STK3: variants seen among roughly 807,000 people sequenced by gnomAD.
The protein encoded by STK3 is serine/threonine kinase 3, also known as serine/threonine-protein kinase 3.
A neutral mutation model predicts 58.0 loss-of-function variants in STK3; 41 were observed. That is an observed-to-expected ratio of 0.71 (90% CI 0.55 to 0.92). The LOEUF is 0.92. Ranked by LOEUF, STK3 falls within the 40% of genes least tolerant of loss-of-function variation. The probability of loss-of-function intolerance (pLI) is 0.00; values close to 1 mark genes in which losing one functional copy is unlikely to be tolerated. For synonymous variants in STK3, 170 were observed against 191.0 expected, an observed-to-expected ratio of 0.89 and a Z score of 0.91; for missense variants, 479 against 602.7, an observed-to-expected ratio of 0.79 and a Z score of 2.15.
the STK3 span, among the ~76,000 whole-genome samples, chr8:98,346,890 A>G: frequency 6.6e-6 from 1 of 151,886 alleles, no homozygotes; most frequent in Non-Finnish European, 1.5e-5. Context: ...TGGTAGCTAC[A>G]TATATATGTG....
chr8:98,672,260 GGGGGGTTA>G (rs967911798), intron 6 of STK3, among the ~76,000 whole-genome samples: 3 of 151,838 alleles, frequency 2.0e-5, no homozygotes, highest in Non-Finnish European at 4.4e-5. Flanking sequence ...CGGTGGGTGT[GGGGGGTTA>G]GGGGGTTAGG....
chr8:98,371,545 G>A (rs1252984125), exon 3 of STK3: 1 of 152,248 alleles, frequency 6.6e-6, no homozygotes, highest in East Asian at 1.9e-4. Context: ...GTACATCAGA[G>A]GGGAGCCAGC....
chr8:98,469,258 CGG>C (rs1446206925), intron 10 of STK3, among the ~76,000 whole-genome samples: 2 of 56,676 alleles, frequency 3.5e-5, no homozygotes, highest in Non-Finnish European at 7.8e-5. Flanking sequence ...TTTGCGGGGG[CGG>C]GGGGGCGGTC....
At chr8:98,938,654 T>C (rs779830822) in intron 1 of STK3, among the ~76,000 whole-genome samples, 30 of 152,144 alleles carry the variant, frequency 2.0e-4, no homozygotes, top group Non-Finnish European at 3.2e-4. Flanking sequence ...CTCAGGGTAA[T>C]CCAGGGGCAC....
intron 3 of STK3, among the ~76,000 whole-genome samples, chr8:98,403,089 G>A (rs1356743629): frequency 2.6e-5 from 4 of 152,222 alleles, no homozygotes; most frequent in African/African-American, 9.6e-5. Context: ...GGAGGCCAAG[G>A]GCAGTGGACT....
chr8:98,550,979 A>G (rs1458937952), intron 8 of STK3, among the ~76,000 whole-genome samples: 1 of 152,136 alleles, frequency 6.6e-6, no homozygotes, highest in Non-Finnish European at 1.5e-5. Flanking sequence ...CCTAAATTTC[A>G]ATGTCTTCTA....
At chr8:98,627,194 C>T (rs1217564274) in intron 6 of STK3, among the ~76,000 whole-genome samples, 2 of 152,072 alleles carry the variant, frequency 1.3e-5, no homozygotes, top group African/African-American at 2.4e-5. Context: ...GCCTGGCCAA[C>T]ATGGTAAAAC....
chr8:98,358,034 A>G, the STK3 span, among the ~76,000 whole-genome samples: 2 of 152,118 alleles, frequency 1.3e-5, no homozygotes, highest in African/African-American at 4.8e-5. Context: ...CAGAACATCA[A>G]CAAGCGAGGG....
At chr8:98,900,972 T>C (rs879730813) in intron 1 of STK3, among the ~76,000 whole-genome samples, 16 of 152,222 alleles carry the variant, frequency 1.1e-4, no homozygotes, top group South Asian at 4.1e-4. Context: ...TATAGTTTTA[T>C]ATTATATTTT....
chr8:98,378,321 C>T (rs1817696176), intron 2 of STK3, among the ~76,000 whole-genome samples: 1 of 152,162 alleles, frequency 6.6e-6, no homozygotes, highest in African/African-American at 2.4e-5. Context: ...GTTACTTTGT[C>T]ACCTTTTTAA....
intron 7 of STK3, among the ~76,000 whole-genome samples, chr8:98,589,689 C>T (rs539583624): frequency 8.5e-5 from 13 of 152,366 alleles, no homozygotes; most frequent in African/African-American, 2.6e-4. Context: ...GGGCGCCCCT[C>T]CCCCAGCCTA....
chr8:98,488,574 C>T (rs1822450545), intron 10 of STK3, among the ~76,000 whole-genome samples: 1 of 152,144 alleles, frequency 6.6e-6, no homozygotes, highest in South Asian at 2.1e-4. Context: ...ACCTCGTCTG[C>T]TAGGCACTGC....
At chr8:98,420,648 T>C (rs1486965571) in intron 3 of STK3, among the ~76,000 whole-genome samples, 1 of 152,018 alleles carries the variant, frequency 6.6e-6, no homozygotes, top group Admixed American at 6.5e-5. Flanking sequence ...CTTGAGACAG[T>C]TAAGAGGGCA....
chr8:98,520,602 G>C (rs976164331), intron 10 of STK3, among the ~76,000 whole-genome samples: 1 of 151,374 alleles, frequency 6.6e-6, no homozygotes, highest in African/African-American at 2.4e-5. Flanking sequence ...AGCCTTCTCT[G>C]TCCTGAAAAT....
chr8:98,633,982 G>A (rs1368030264), intron 6 of STK3: 3 of 176,330 alleles, frequency 1.7e-5, no homozygotes, highest in East Asian at 1.6e-4. Flanking sequence ...TTTTAATCTC[G>A]ATTCCAAATA....
intron 1 of STK3, among the ~76,000 whole-genome samples, chr8:98,819,030 A>C: frequency 6.6e-6 from 1 of 152,082 alleles, no homozygotes; most frequent in Non-Finnish European, 1.5e-5. Flanking sequence ...TCACCATGTT[A>C]GCCAGGATGG....
rs575277839 is a variant in STK3, at chr8:98,807,455, G to A, written c.26+18060C>T. Among the ~76,000 whole-genome samples, 85 of 152,022 alleles carry A rather than the reference G, an allele frequency of 5.6e-4. 1 individual carries two copies. Among genetic ancestry groups the A allele is most frequent in the African/African-American group, 1.7e-3 (72 of 41,470 alleles). On this transcript the variant is annotated intron_variant, in intron 1 of 10. Coordinates refer to ENST00000419617, the MANE Select transcript of STK3 (RefSeq NM_006281.4). ...GTATTTTTAGTAGGGATGGGGTTTCGCCATGTTGGCCAGGCTGGTCTCAAA... is the reference window on the plus strand; with the variant it reads ...GTATTTTTAGTAGGGATGGGGTTTCACCATGTTGGCCAGGCTGGTCTCAAA...
At chr8:98,763,928 G>A (rs1830785488) in intron 3 of STK3, among the ~76,000 whole-genome samples, 1 of 152,104 alleles carries the variant, frequency 6.6e-6, no homozygotes, top group East Asian at 1.9e-4. Context: ...ACCCACCTCC[G>A]CCTCCCAAAG....
chr8:98,629,537 A>G (rs530704938), intron 6 of STK3, among the ~76,000 whole-genome samples: 1 of 152,282 alleles, frequency 6.6e-6, no homozygotes, highest in African/African-American at 2.4e-5. Context: ...AAGTCATACA[A>G]CCAAGATTCC....
Sources: allele counts gnomAD v4.1 joint callset (sites outside exome capture counted in the v4.1 genomes callset), GRCh38; gene constraint gnomAD v4.1.1; transcripts MANE v1.5; gene names NCBI Gene and HGNC (gene_info 2026-07-23, HGNC 2026-07-21).